The following KIAA0040 variants were observed in gnomAD, a reference collection of about 807,000 sequenced individuals.
KIAA0040 encodes KIAA0040.
A neutral mutation model predicts 7.2 loss-of-function variants in KIAA0040; 10 were observed. The observed-to-expected ratio is 1.38, with a 90% confidence interval of 0.85 to 2.34. The LOEUF (loss-of-function observed/expected upper bound fraction) is 2.34. Among genes scored for constraint, KIAA0040 ranks in the 30% most tolerant of loss-of-function variants. The probability of loss-of-function intolerance (pLI) is 0.00; values close to 1 mark genes in which losing one functional copy is unlikely to be tolerated. For missense variants in KIAA0040, 89 were observed against 108.2 expected (o/e 0.82, Z 0.79); for synonymous variants, 49 against 40.1 (o/e 1.22, Z -0.84).
intron 3 of KIAA0040, among the ~76,000 whole-genome samples, chr1:175,163,979 G>A (rs910061686): frequency 1.3e-5 from 2 of 152,144 alleles, no homozygotes; most frequent in Non-Finnish European, 2.9e-5. Flanking sequence ...TGAAAAGGAT[G>A]TTCAAACATT....
intron 1 of KIAA0040, among the ~76,000 whole-genome samples, chr1:175,178,282 G>C (rs1291410780): frequency 6.6e-6 from 1 of 152,210 alleles, no homozygotes; most frequent in Non-Finnish European, 1.5e-5. Context: ...CAGGAGGCAG[G>C]GGGGCAGCAC....
At chr1:175,187,236 G>T (rs1204688284) in intron 1 of KIAA0040, among the ~76,000 whole-genome samples, 2 of 152,180 alleles carry the variant, frequency 1.3e-5, no homozygotes, top group African/African-American at 4.8e-5. Flanking sequence ...CATTCAACAA[G>T]CGGTTACTGA....
chr1:175,189,871 C>A (rs1415372937), intron 1 of KIAA0040, among the ~76,000 whole-genome samples: 1 of 152,104 alleles, frequency 6.6e-6, no homozygotes, highest in African/African-American at 2.4e-5. Context: ...TCAAGGTCAG[C>A]TAATAAGCAG....
At chr1:175,176,058 A>T (rs1192072297) in intron 2 of KIAA0040, among the ~76,000 whole-genome samples, 1 of 152,246 alleles carries the variant, frequency 6.6e-6, no homozygotes, top group Non-Finnish European at 1.5e-5. Context: ...AACTTGCATA[A>T]TTCTCTTTAA....
At chr1:175,178,138 T>C (rs2101898549) in intron 1 of KIAA0040, among the ~76,000 whole-genome samples, 1 of 152,318 alleles carries the variant, frequency 6.6e-6, no homozygotes, top group South Asian at 2.1e-4. Context: ...CTTCACCTAC[T>C]TGTGTAGTGG....
chr1:175,167,810 T>C (rs729675), intron 2 of KIAA0040, among the ~76,000 whole-genome samples: 85,800 of 151,756 alleles, frequency 0.57, 24,682 homozygotes, highest in East Asian at 0.86. Context: ...AGAGGAGGTG[T>C]CCCTGGGTGT....
chr1:175,171,879 T>C (rs1219344726), intron 2 of KIAA0040, among the ~76,000 whole-genome samples: 1 of 152,178 alleles, frequency 6.6e-6, no homozygotes, highest in Non-Finnish European at 1.5e-5. Context: ...AATCTTTCAG[T>C]CAATCAAGTA....
intron 1 of KIAA0040, among the ~76,000 whole-genome samples, chr1:175,191,292 A>G (rs1222280067): frequency 1.3e-5 from 2 of 152,212 alleles, no homozygotes; most frequent in African/African-American, 2.4e-5. Context: ...TTGAGTGTTT[A>G]TTATTCTCTT....
chr1:175,192,905 C>T (rs986178959), upstream of KIAA0040: 4 of 151,048 alleles, frequency 2.6e-5, no homozygotes, highest in African/African-American at 7.3e-5. Context: ...CCCTGCCTTC[C>T]TACGGGCCGA....
At chr1:175,167,462 C>T (rs1180648596) in intron 2 of KIAA0040, among the ~76,000 whole-genome samples, 2 of 152,176 alleles carry the variant, frequency 1.3e-5, no homozygotes, top group African/African-American at 2.4e-5. Context: ...GGGTAGCTGA[C>T]AGCAGCAGTG....
At chr1:175,189,365 G>A (rs553152504) in intron 1 of KIAA0040, among the ~76,000 whole-genome samples, 9 of 152,302 alleles carry the variant, frequency 5.9e-5, no homozygotes, top group South Asian at 2.1e-4. Flanking sequence ...TCCCCTCCAT[G>A]TGGACTCAGC....
rs34859478 is a variant in KIAA0040 at position 175,176,669 on chromosome 1, C to CTTTTTTTTTTTTTTTTTT, written c.-310+924_-310+941dup. 1.8e-4 allele frequency among the ~76,000 whole-genome samples: 5 copies of CTTTTTTTTTTTTTTTTTT among 27,440 alleles called. 1 individual carries two copies. Among genetic ancestry groups the CTTTTTTTTTTTTTTTTTT allele is most frequent in the Non-Finnish European group, 2.4e-4 (3 of 12,254 alleles). The allele number at this position is 27,440 out of a possible 152,430, so 18.0% of individuals were successfully genotyped here. The stretch of plus-strand genomic sequence containing the variant: ...ATCCAGTGTCAGGTTAAGTAGCATG[C>CTTTTTTTTTTTTTTTTTT]TTTTTTTTTTTTTTTTTTTTTTTTT... On this transcript the variant is annotated intron_variant, in intron 2 of 3. Coordinates refer to ENST00000423313, the MANE Select transcript of KIAA0040 (RefSeq NM_014656.3).
rs1307613442 is a variant in KIAA0040, at chr1:175,158,942, A to C, written c.*1772T>G. The C allele has an allele frequency of 6.6e-6, 1 of 152,248 alleles. No individual in the cohort carries two copies. Among genetic ancestry groups the C allele is most frequent in the Non-Finnish European group, 1.5e-5 (1 of 68,038 alleles). The allele number at this position is 152,248 out of a possible 1,614,324, so 9.4% of individuals were successfully genotyped here. ...AGGGCAGGTGAGTACCAAGCAGCCC[A>C]AGTGAGCAAATAGAATATATCTTTC... On this transcript the variant is annotated 3_prime_UTR_variant, in exon 4 of 4. Transcript: ENST00000423313.
At chr1:175,171,001 T>C (rs1488414121) in intron 2 of KIAA0040, among the ~76,000 whole-genome samples, 1 of 152,248 alleles carries the variant, frequency 6.6e-6, no homozygotes, top group Non-Finnish European at 1.5e-5. Flanking sequence ...CACTGTGGCC[T>C]AGCCGCGCCT....
chr1:175,178,971 G>T (rs369852268), intron 1 of KIAA0040, among the ~76,000 whole-genome samples: 6 of 10,322 alleles, frequency 5.8e-4, no homozygotes, highest in South Asian at 6.0e-3. Flanking sequence ...GGGACGGGGC[G>T]GGGGGGGGGA....
chr1:175,192,430 A>G (rs1206909615), intron 1 of KIAA0040, among the ~76,000 whole-genome samples: 1 of 152,114 alleles, frequency 6.6e-6, no homozygotes, highest in Non-Finnish European at 1.5e-5. Flanking sequence ...CCAGGCGCAG[A>G]GAGGAAGACT....
At chr1:175,169,153 A>G (rs16847872) in intron 2 of KIAA0040, among the ~76,000 whole-genome samples, 17,773 of 152,290 alleles carry the variant, frequency 0.12, 1,394 homozygotes, top group East Asian at 0.31. Context: ...ACAAGTGACA[A>G]AAAAGCTAAT....
At chr1:175,161,677 C>A (rs1676550732) in intron 3 of KIAA0040, among the ~76,000 whole-genome samples, 1 of 152,128 alleles carries the variant, frequency 6.6e-6, no homozygotes, top group Non-Finnish European at 1.5e-5. Flanking sequence ...CTCCTCTGGG[C>A]TAAGAGGTCA....
intron 2 of KIAA0040, among the ~76,000 whole-genome samples, chr1:175,171,958 A>T (rs1181133084): frequency 6.6e-6 from 1 of 152,250 alleles, no homozygotes; most frequent in African/African-American, 2.4e-5. Context: ...GGATGATACC[A>T]GGGAAATAAT....
Sources: allele counts gnomAD v4.1 joint callset (sites outside exome capture counted in the v4.1 genomes callset), GRCh38; gene constraint gnomAD v4.1.1; transcripts MANE v1.5; gene names NCBI Gene and HGNC (gene_info 2026-07-23, HGNC 2026-07-21).